Variants in PPIG observed in about 807,000 individuals in gnomAD.
PPIG encodes the protein peptidylprolyl isomerase G.
Under a neutral mutation model 87.9 loss-of-function variants are expected in PPIG, and 26 were observed. That is an observed-to-expected ratio of 0.30 (90% CI 0.22 to 0.41). The LOEUF (loss-of-function observed/expected upper bound fraction) is 0.41, where lower values mean the gene tolerates loss of function less well. Ranked by LOEUF, PPIG falls within the 10% of genes least tolerant of loss-of-function variation. The probability of loss-of-function intolerance (pLI) is 1.00; values close to 1 mark genes in which losing one functional copy is unlikely to be tolerated. For synonymous variants in PPIG, 308 were observed against 276.5 expected (o/e 1.11, Z -1.13); for missense variants, 722 against 879.4 (o/e 0.82, Z 2.26).
chr2:169,593,187 T>A (rs562717939), intron 1 of PPIG, among the ~76,000 whole-genome samples: 261 of 151,820 alleles, frequency 1.7e-3, no homozygotes, highest in African/African-American at 5.8e-3. Flanking sequence ...TTATTATTTA[T>A]TTTATTTATT....
intron 7 of PPIG, 100 bp from the exon 8 acceptor site, chr2:169,614,364 C>A: frequency 8.8e-7 from 1 of 1,132,320 alleles, no homozygotes; most frequent in Non-Finnish European, 1.3e-6. Context: ...TTGTTTTCAA[C>A]TTTGTTTCCA....
intron 1 of PPIG, among the ~76,000 whole-genome samples, chr2:169,599,450 G>A (rs1559176871): frequency 6.6e-6 from 1 of 151,668 alleles, no homozygotes; most frequent in Non-Finnish European, 1.5e-5. Flanking sequence ...TAAGTTGTTT[G>A]TGCTTACTGT....
chr2:169,609,483 G>A (rs1166869681), intron 7 of PPIG, among the ~76,000 whole-genome samples: 2 of 152,150 alleles, frequency 1.3e-5, no homozygotes, highest in African/African-American at 4.8e-5. Context: ...TTGTTGAAGA[G>A]GGAAAATTGT....
intron 1 of PPIG, 95 bp downstream of exon 1, chr2:169,584,585 G>A (rs537679922): frequency 1.3e-5 from 6 of 449,568 alleles, no homozygotes; most frequent in African/African-American, 1.0e-4. Flanking sequence ...GGCGGAGCCG[G>A]CGCGGCTGAC....
intron 9 of PPIG, among the ~76,000 whole-genome samples, chr2:169,627,417 C>A (rs1195192219): frequency 6.6e-6 from 1 of 152,142 alleles, no homozygotes; most frequent in Admixed American, 6.5e-5. Context: ...ATCATGTTAT[C>A]TTGCTTCACT....
chr2:169,600,176 G>C (rs946963438), intron 1 of PPIG, among the ~76,000 whole-genome samples: 1 of 151,766 alleles, frequency 6.6e-6, no homozygotes, highest in Non-Finnish European at 1.5e-5. Flanking sequence ...CCTGGCTCAA[G>C]TGATCTTTCC....
chr2:169,599,954 A>G (rs1685131451), intron 1 of PPIG, among the ~76,000 whole-genome samples: 1 of 152,054 alleles, frequency 6.6e-6, no homozygotes. Context: ...GTTTATCTCC[A>G]TTATTTACTT....
rs71006009 is a variant in PPIG at position 169,606,591 on chromosome 2, C to CAA, written c.244+461_244+462dup. Among the ~76,000 whole-genome samples the CAA allele has an allele frequency of 5.9e-5, 5 of 85,026 alleles. 1 individual carries two copies. The East Asian group carries it at 1.2e-3, about 21-fold the overall frequency. 55.8% of individuals were successfully genotyped at this position (85,026 alleles called of 152,430 possible). On this transcript the variant is annotated intron_variant, in intron 5 of 13. Coordinates refer to ENST00000260970, the MANE Select transcript of PPIG (RefSeq NM_004792.3). ...TGAATGACAGAGCAAGACTCTGTCT[C>CAA]AAAAAAAAAAAAAAAAAGAAGGAAG... is the stretch of plus-strand genomic sequence containing the variant.
chr2:169,612,891 T>C (rs914196828), intron 7 of PPIG, among the ~76,000 whole-genome samples: 1 of 152,210 alleles, frequency 6.6e-6, no homozygotes, highest in Non-Finnish European at 1.5e-5. Flanking sequence ...ATACTCTGTT[T>C]AGCTTTGTGA....
intron 9 of PPIG, among the ~76,000 whole-genome samples, chr2:169,619,237 G>A (rs192050271): frequency 6.6e-6 from 1 of 152,236 alleles, no homozygotes; most frequent in East Asian, 1.9e-4. Flanking sequence ...TGAGAGACTT[G>A]ACTGTTAGGA....
chr2:169,627,104 A>G (rs1685908398), intron 9 of PPIG, among the ~76,000 whole-genome samples: 1 of 150,706 alleles, frequency 6.6e-6, no homozygotes, highest in African/African-American at 2.4e-5. Flanking sequence ...CTTCCATTTC[A>G]TTTATTTACT....
At chr2:169,605,810 T>G (rs1685310316) in intron 4 of PPIG, among the ~76,000 whole-genome samples, 1 of 151,914 alleles carries the variant, frequency 6.6e-6, no homozygotes, top group African/African-American at 2.4e-5. Context: ...AAAAAAAACC[T>G]AAAACCAAAC....
chr2:169,631,634 C>A (rs1686054533), intron 10 of PPIG, 132 bp from the exon 11 acceptor site: 2 of 1,462,336 alleles, frequency 1.4e-6, no homozygotes, highest in Non-Finnish European at 1.8e-6. Context: ...TTTTCCCATG[C>A]GATCACATCT....
intron 1 of PPIG, among the ~76,000 whole-genome samples, chr2:169,595,529 AC>A (rs1684993360): frequency 1.3e-5 from 2 of 152,084 alleles, no homozygotes; most frequent in African/African-American, 4.8e-5. Context: ...ATTTTTTTGC[AC>A]CCATTAACCA....
At chr2:169,613,688 A>G (rs2105499293) in intron 7 of PPIG, among the ~76,000 whole-genome samples, 1 of 152,254 alleles carries the variant, frequency 6.6e-6, no homozygotes, top group Admixed American at 6.5e-5. Context: ...CAGCACTTTG[A>G]AAGGTCAAAG....
chr2:169,607,466 C>A (rs553812444), intron 6 of PPIG, among the ~76,000 whole-genome samples: 3 of 152,050 alleles, frequency 2.0e-5, no homozygotes, highest in South Asian at 2.1e-4. Flanking sequence ...ATATTTCTTA[C>A]AACATCCAAA....
intron 7 of PPIG, 106 bp downstream of exon 7, chr2:169,608,864 C>A: frequency 1.5e-6 from 1 of 647,782 alleles, no homozygotes; most frequent in Non-Finnish European, 2.7e-6. Flanking sequence ...GGGCGGATCA[C>A]GAGGTCAGGA....
In PPIG at chr2:169,636,458, A is replaced by G. The variant is rs780404559; in HGVS notation, c.1200A>G (p.Arg400=). 2 of 1,569,220 alleles carry G rather than the reference A, an allele frequency of 1.3e-6. No individual in the cohort carries two copies. The highest frequency in any genetic ancestry group is 1.7e-6 in the Non-Finnish European group (2 of 1,163,148). Residue 400 remains arginine, a synonymous_variant, in exon 14 of 14, where the codon AGA becomes AGG. Transcript: ENST00000260970. ...EIKENQRSPV[R]VKERKITDHR... Reference sequence around the variant, plus strand: ...AAGAAAATCAGAGAAGTCCAGTTAGAGTAAAAGAGAGAAAAATAACAGATC... The same window carrying G: ...AAGAAAATCAGAGAAGTCCAGTTAGGGTAAAAGAGAGAAAAATAACAGATC...
intron 1 of PPIG, among the ~76,000 whole-genome samples, chr2:169,595,053 T>C (rs7567157): frequency 0.4 from 61,297 of 151,964 alleles, 13,009 homozygotes; most frequent in East Asian, 0.58. Flanking sequence ...CTCAGCCTCC[T>C]GAGTAACTGG....
Sources: gnomAD v4.1 joint callset for allele counts (sites outside exome capture counted in the v4.1 genomes callset) on GRCh38, gnomAD v4.1.1 for gene constraint, MANE v1.5 for transcripts, NCBI Gene and HGNC (gene_info 2026-07-23, HGNC 2026-07-21) for gene names.